Variants in GHR observed in about 807,000 individuals in gnomAD.
GHR encodes GH receptor.
GHR carries 35 observed loss-of-function variants against 67.1 expected under a neutral mutation model. The observed-to-expected ratio is 0.52, with a 90% confidence interval of 0.40 to 0.69. The LOEUF (loss-of-function observed/expected upper bound fraction) is 0.69. Ranked by LOEUF, GHR falls within the 30% of genes least tolerant of loss-of-function variation. The pLI, the probability that GHR is intolerant of heterozygous loss-of-function variation, is 0.00. For synonymous variants in GHR, 272 were observed against 269.1 expected, an observed-to-expected ratio of 1.01 and a Z score of -0.10; for missense variants, 792 against 764.6, an observed-to-expected ratio of 1.04 and a Z score of -0.42.
intron 3 of GHR, among the ~76,000 whole-genome samples, chr5:42,683,697 G>T (rs1489298243): frequency 6.6e-6 from 1 of 152,142 alleles, no homozygotes; most frequent in Admixed American, 6.5e-5. Context: ...AAAGAGGAAG[G>T]TGGAAGGGAA....
intron 1 of GHR, among the ~76,000 whole-genome samples, chr5:42,517,980 C>A (rs934545981): frequency 6.6e-6 from 1 of 151,824 alleles, no homozygotes; most frequent in African/African-American, 2.4e-5. Flanking sequence ...CACAACTAAG[C>A]GGCTCAGTTC....
At chr5:42,606,730 T>C (rs530425875) in intron 2 of GHR, among the ~76,000 whole-genome samples, 84 of 152,292 alleles carry the variant, frequency 5.5e-4, no homozygotes, top group Non-Finnish European at 9.6e-4. Flanking sequence ...CTCCCAGTTT[T>C]AGACTATGTA....
intron 3 of GHR, among the ~76,000 whole-genome samples, chr5:42,665,310 C>T (rs529603192): frequency 1.6e-3 from 241 of 152,206 alleles, no homozygotes; most frequent in South Asian, 3.9e-3. Flanking sequence ...ATGTTTATTG[C>T]GGCACTATTC....
At chr5:42,546,037 G>T (rs546213808) in intron 1 of GHR, among the ~76,000 whole-genome samples, 23 of 152,176 alleles carry the variant, frequency 1.5e-4, no homozygotes, top group Non-Finnish European at 3.1e-4. Context: ...AGCTGTCTTA[G>T]ATAAGGAGCA....
At chr5:42,697,626 G>T (rs1021695667) in intron 5 of GHR, among the ~76,000 whole-genome samples, 3 of 152,140 alleles carry the variant, frequency 2.0e-5, no homozygotes, top group Non-Finnish European at 4.4e-5. Context: ...GCGGTGGAGT[G>T]GGCACAGAGT....
intron 2 of GHR, among the ~76,000 whole-genome samples, chr5:42,595,634 GA>G (rs1752026883): frequency 6.6e-6 from 1 of 152,250 alleles, no homozygotes; most frequent in African/African-American, 2.4e-5. Flanking sequence ...GAATAAGTGA[GA>G]AAGAAAGATA....
At chr5:42,437,610 T>A (rs1239118636) in intron 1 of GHR, among the ~76,000 whole-genome samples, 1 of 151,790 alleles carries the variant, frequency 6.6e-6, no homozygotes, top group Non-Finnish European at 1.5e-5. Flanking sequence ...TGCAGTGGCG[T>A]GAACTTGGCT....
At chr5:42,661,186 T>C (rs1343762266) in intron 3 of GHR, among the ~76,000 whole-genome samples, 1 of 152,222 alleles carries the variant, frequency 6.6e-6, no homozygotes, top group African/African-American at 2.4e-5. Flanking sequence ...CTCTGCAGGA[T>C]ATTATCCAGG....
chr5:42,689,019 G>T lies in GHR; in HGVS notation c.266G>T (p.Arg89Met). 1 of 1,613,472 alleles carries T rather than the reference G, an allele frequency of 6.2e-7. No homozygotes were observed. Among genetic ancestry groups the T allele is most frequent in the Non-Finnish European group, 8.5e-7 (1 of 1,179,430 alleles). Reference sequence around the variant, plus strand: ...CCCATACAGCTGTTCTATACCAGAAGGTGCCACCATCATGCCTTTCTGATT... The same window carrying T: ...CCCATACAGCTGTTCTATACCAGAATGTGCCACCATCATGCCTTTCTGATT... ...LGPIQLFYTRRNTQEWTQEWK... is the reference protein window; with the variant it reads ...LGPIQLFYTRMNTQEWTQEWK... Residue 89 changes from arginine to methionine, a missense_variant and splice_region_variant, in exon 4 of 10, where the codon AGG becomes ATG. Physicochemically the swap from Arg to Met is moderately conservative, Grantham distance 91. Coordinates refer to ENST00000230882, the MANE Select transcript of GHR (RefSeq NM_000163.5).
intron 1 of GHR, among the ~76,000 whole-genome samples, chr5:42,489,116 G>A (rs545509699): frequency 2.0e-5 from 3 of 151,784 alleles, no homozygotes; most frequent in African/African-American, 4.8e-5. Context: ...TGCCCTATAC[G>A]TATCTGCTCA....
intron 3 of GHR, among the ~76,000 whole-genome samples, chr5:42,686,517 G>C (rs1757152727): frequency 6.6e-6 from 1 of 152,164 alleles, no homozygotes; most frequent in Non-Finnish European, 1.5e-5. Context: ...TGCAAGGCTG[G>C]TTCAACATAC....
intron 2 of GHR, among the ~76,000 whole-genome samples, chr5:42,593,804 G>A (rs1751925237): frequency 5.3e-5 from 8 of 152,146 alleles, no homozygotes. Context: ...TTGAGGCTCT[G>A]GAATAGTGAT....
chr5:42,482,868 C>T (rs937247391), intron 1 of GHR, among the ~76,000 whole-genome samples: 3 of 152,222 alleles, frequency 2.0e-5, no homozygotes, highest in African/African-American at 4.8e-5. Context: ...GGCTCGCACT[C>T]GGTGTGCTGC....
chr5:42,613,783 C>G (rs4242115), intron 2 of GHR, among the ~76,000 whole-genome samples: 149,895 of 152,212 alleles, frequency 0.98, 73,897 homozygotes, highest in Non-Finnish European at 1. Context: ...GAATAGGGAA[C>G]AACTGGGGTA....
chr5:42,475,881 T>C (rs1303072413), intron 1 of GHR, among the ~76,000 whole-genome samples: 2 of 152,096 alleles, frequency 1.3e-5, no homozygotes, highest in African/African-American at 2.4e-5. Context: ...AATTGAGAAA[T>C]ATACATCAGA....
intron 3 of GHR, among the ~76,000 whole-genome samples, chr5:42,650,548 A>G (rs1754963469): frequency 6.8e-6 from 1 of 146,024 alleles, no homozygotes; most frequent in African/African-American, 2.6e-5. Flanking sequence ...TTTATGTAAA[A>G]CTTCCCAATG....
intron 1 of GHR, among the ~76,000 whole-genome samples, chr5:42,514,661 T>G (rs1160004307): frequency 6.6e-6 from 1 of 152,040 alleles, no homozygotes; most frequent in African/African-American, 2.4e-5. Flanking sequence ...AGGCCTGTGC[T>G]TGGAATTCTG....
intron 3 of GHR, among the ~76,000 whole-genome samples, chr5:42,642,831 C>G (rs1754546097): frequency 6.6e-6 from 1 of 152,108 alleles, no homozygotes; most frequent in Non-Finnish European, 1.5e-5. Context: ...CTGTTCCATG[C>G]CTCTCTCCTA....
intron 3 of GHR, among the ~76,000 whole-genome samples, chr5:42,669,916 G>C (rs1331682892): frequency 6.6e-6 from 1 of 152,074 alleles, no homozygotes; most frequent in African/African-American, 2.4e-5. Flanking sequence ...GTATGGATTG[G>C]AAGAATTAAT....
Sources: allele counts gnomAD v4.1 joint callset (sites outside exome capture counted in the v4.1 genomes callset), GRCh38; gene constraint gnomAD v4.1.1; transcripts MANE v1.5; gene names NCBI Gene and HGNC (gene_info 2026-07-23, HGNC 2026-07-21).